CSMD1: variants seen among roughly 807,000 people sequenced by gnomAD.
The protein encoded by CSMD1 is CUB and sushi domain-containing protein 1.
CSMD1 carries 213 observed loss-of-function variants against 417.5 expected under a neutral mutation model. That is an observed-to-expected ratio of 0.51 (90% CI 0.46 to 0.57). The LOEUF (loss-of-function observed/expected upper bound fraction) is 0.57, where lower values mean the gene tolerates loss of function less well. Ranked by LOEUF, CSMD1 falls within the 20% of genes least tolerant of loss-of-function variation. The probability of loss-of-function intolerance (pLI) is 0.00; values close to 1 mark genes in which losing one functional copy is unlikely to be tolerated. For synonymous variants in CSMD1, 2,862 were observed against 1,736.8 expected (o/e 1.65, Z -16.11); for missense variants, 6,923 against 4,529.7 (o/e 1.53, Z -15.17).
intron 25 of CSMD1, among the ~76,000 whole-genome samples, chr8:3,289,146 G>A (rs1335975628): frequency 6.8e-6 from 1 of 147,472 alleles, no homozygotes; most frequent in Non-Finnish European, 1.5e-5. Flanking sequence ...TCCCTACAAA[G>A]CACATGAACT....
At chr8:4,096,740 A>G (rs1320329149) in intron 3 of CSMD1, among the ~76,000 whole-genome samples, 1 of 152,192 alleles carries the variant, frequency 6.6e-6, no homozygotes, top group African/African-American at 2.4e-5. Flanking sequence ...AATAAAAAGA[A>G]TATTGTATGA....
At chr8:4,836,651 A>C (rs1412766959) in intron 1 of CSMD1, among the ~76,000 whole-genome samples, 1 of 152,208 alleles carries the variant, frequency 6.6e-6, no homozygotes, top group African/African-American at 2.4e-5. Context: ...GTCAGTACTT[A>C]ATGATGCTTT....
intron 3 of CSMD1, among the ~76,000 whole-genome samples, chr8:4,398,435 C>G (rs947491549): frequency 3.5e-5 from 5 of 144,558 alleles, no homozygotes; most frequent in African/African-American, 1.3e-4. Flanking sequence ...CTCTGTCACC[C>G]CAGGCTGGAG....
chr8:4,787,969 G>A lies in CSMD1; in HGVS notation c.86-150411C>T, dbSNP rs1402941136. ...GATTCCTGGAGACTCTGGCCATCAG[G>A]AGATCGAAGCCAACAGAAAGACAAA... On this transcript the variant is annotated intron_variant, in intron 1 of 69. Coordinates refer to ENST00000635120, the MANE Select transcript of CSMD1 (RefSeq NM_033225.6). 1.8e-5 allele frequency: 29 copies of A among 1,595,990 alleles called. No homozygotes were observed. The East Asian group carries it at 6.3e-4, about 35-fold the overall frequency.
chr8:4,682,724 T>C (rs1806126716), intron 1 of CSMD1, among the ~76,000 whole-genome samples: 1 of 151,698 alleles, frequency 6.6e-6, no homozygotes, highest in African/African-American at 2.4e-5. Context: ...ATATTATTTG[T>C]CCAATATTAC....
chr8:3,946,545 G>C (rs1212042589), intron 5 of CSMD1, among the ~76,000 whole-genome samples: 4 of 152,058 alleles, frequency 2.6e-5, no homozygotes, highest in Non-Finnish European at 2.9e-5. Flanking sequence ...TACAATTAGT[G>C]TGTCAATTCC....
chr8:3,461,471 G>A (rs1365254654), intron 12 of CSMD1, among the ~76,000 whole-genome samples: 1 of 152,196 alleles, frequency 6.6e-6, no homozygotes, highest in Non-Finnish European at 1.5e-5. Context: ...AGGGGAAGCA[G>A]GAGTAGCTGT....
At chr8:3,865,385 C>T (rs751182660) in intron 5 of CSMD1, among the ~76,000 whole-genome samples, 5 of 152,160 alleles carry the variant, frequency 3.3e-5, no homozygotes, top group Non-Finnish European at 5.9e-5. Context: ...AACACATTCC[C>T]TCAGTCCCTG....
intron 2 of CSMD1, among the ~76,000 whole-genome samples, chr8:4,424,648 C>T (rs1047148680): frequency 1.3e-5 from 2 of 151,950 alleles, no homozygotes; most frequent in African/African-American, 4.8e-5. Flanking sequence ...AGAAAACTTC[C>T]GAAGAAGTTT....
At chr8:2,978,996 T>C (rs962953552) in intron 54 of CSMD1, among the ~76,000 whole-genome samples, 196 bp from the exon 55 acceptor site, 1 of 152,238 alleles carries the variant, frequency 6.6e-6, no homozygotes, top group African/African-American at 2.4e-5. Context: ...TGTCAAGAAC[T>C]GGTCGACCAC....
chr8:4,401,833 CTCA>C (rs1376550881), intron 3 of CSMD1, among the ~76,000 whole-genome samples: 3 of 152,098 alleles, frequency 2.0e-5, no homozygotes, highest in East Asian at 1.9e-4. Context: ...GGATTGGCTG[CTCA>C]TCATCATTTC....
rs371367091 is a variant in CSMD1 at position 4,226,312 on chromosome 8, G to C, written c.415+193641C>G. Among the ~76,000 whole-genome samples the C allele has an allele frequency of 4.6e-5, 7 of 152,194 alleles. 1 individual carries two copies. The South Asian group carries it at 6.2e-4, about 14-fold the overall frequency. On this transcript the variant is annotated intron_variant, in intron 3 of 69. Coordinates refer to ENST00000635120, the MANE Select transcript of CSMD1 (RefSeq NM_033225.6). ...AAAATAGTTGTTGACATTCAAAAAA[G>C]AATTAGAGACCATCAAATACTCTAC... is the stretch of plus-strand genomic sequence containing the variant.
At position 3,973,455 on chromosome 8, in the gene CSMD1, T is replaced by C. The variant is rs150842117; in HGVS notation, c.818+24448A>G. Among the ~76,000 whole-genome samples the C allele has an allele frequency of 6.9e-3, 1,049 of 152,326 alleles. 13 individuals carry two copies. Among genetic ancestry groups the C allele is most frequent in the African/African-American group, 0.024 (977 of 41,572 alleles). On this transcript the variant is annotated intron_variant, in intron 5 of 69. Coordinates refer to ENST00000635120, the MANE Select transcript of CSMD1 (RefSeq NM_033225.6). ...ATTATAAAAATTTTTTGAAAATATG[T>C]TGCAATATTTCTGAAGTTGTTTATT...
chr8:3,548,363 T>C (rs1293904109), intron 10 of CSMD1, among the ~76,000 whole-genome samples: 2 of 152,106 alleles, frequency 1.3e-5, no homozygotes, highest in Non-Finnish European at 2.9e-5. Context: ...AGTTCTTCAG[T>C]GGTGATTCGT....
intron 11 of CSMD1, among the ~76,000 whole-genome samples, chr8:3,488,277 CTT>C (rs1356973094): frequency 6.6e-6 from 1 of 151,658 alleles, no homozygotes; most frequent in African/African-American, 2.4e-5. Context: ...TAATTTTTGT[CTT>C]TGTTTTTTTG....
chr8:4,521,110 C>T (rs1319836954), intron 2 of CSMD1, among the ~76,000 whole-genome samples: 1 of 152,102 alleles, frequency 6.6e-6, no homozygotes, highest in Non-Finnish European at 1.5e-5. Context: ...ATTTTCCCTA[C>T]AACTGTTTCT....
intron 2 of CSMD1, among the ~76,000 whole-genome samples, chr8:4,621,385 G>T (rs1319499936): frequency 6.6e-6 from 1 of 152,056 alleles, no homozygotes; most frequent in Non-Finnish European, 1.5e-5. Flanking sequence ...GAACATTTGG[G>T]ATTTGGAATT....
At chr8:3,118,030 T>C (rs979446439) in intron 42 of CSMD1, among the ~76,000 whole-genome samples, 2 of 152,336 alleles carry the variant, frequency 1.3e-5, no homozygotes, top group African/African-American at 4.8e-5. Context: ...AAGTACCCTT[T>C]TTCCCTCTGG....
chr8:3,429,324 T>C lies in CSMD1; in HGVS notation c.1562-19719A>G, dbSNP rs114362778. Among the ~76,000 whole-genome samples the C allele has an allele frequency of 2.2e-3, 338 of 152,278 alleles. 1 individual carries two copies. The highest frequency in any genetic ancestry group is 7.6e-3 in the African/African-American group (317 of 41,548). ...TGATAATAAAATGCTGAAGGAAATA[T>C]AAAATGCAAAAATTATTTTGGGAAA... is the stretch of plus-strand genomic sequence containing the variant. On this transcript the variant is annotated intron_variant, in intron 12 of 69. Coordinates refer to ENST00000635120, the MANE Select transcript of CSMD1 (RefSeq NM_033225.6).
Sources: gnomAD v4.1 joint callset for allele counts (sites outside exome capture counted in the v4.1 genomes callset) on GRCh38, gnomAD v4.1.1 for gene constraint, MANE v1.5 for transcripts, NCBI Gene and HGNC (gene_info 2026-07-23, HGNC 2026-07-21) for gene names.